HPSE2: variants seen among roughly 807,000 people sequenced by gnomAD.
The protein encoded by HPSE2 is inactive heparanase-2.
In HPSE2, 38 loss-of-function variants were observed where a neutral mutation model predicts 60.5. The observed-to-expected ratio is 0.63, with a 90% CI of 0.48 to 0.82. HPSE2 has a LOEUF of 0.82. HPSE2 is among the 40% of genes least tolerant of loss of function. HPSE2 has a pLI of 0.00. For synonymous variants in HPSE2, 295 were observed against 293.2 expected, an observed-to-expected ratio of 1.01 and a Z score of -0.06; for missense variants, 713 against 740.4, an observed-to-expected ratio of 0.96 and a Z score of 0.43.
At chr10:98,970,110 C>T (rs561283150) in intron 3 of HPSE2, among the ~76,000 whole-genome samples, 6 of 152,106 alleles carry the variant, frequency 3.9e-5, no homozygotes, top group East Asian at 3.9e-4. Context: ...TACAGGTGCC[C>T]GCCACCACAC....
intron 3 of HPSE2, among the ~76,000 whole-genome samples, chr10:98,907,957 A>C (rs1034968857): frequency 6.6e-6 from 1 of 152,202 alleles, no homozygotes; most frequent in Non-Finnish European, 1.5e-5. Context: ...AAATCAGTCT[A>C]TTTTGTGAAT....
At chr10:99,021,225 T>G (rs2135425879) in intron 3 of HPSE2, among the ~76,000 whole-genome samples, 1 of 152,330 alleles carries the variant, frequency 6.6e-6, no homozygotes, top group Non-Finnish European at 1.5e-5. Context: ...AATCTGCACT[T>G]ATAAACATTA....
At chr10:99,099,023 T>C (rs1457019707) in intron 3 of HPSE2, among the ~76,000 whole-genome samples, 1 of 152,162 alleles carries the variant, frequency 6.6e-6, no homozygotes, top group African/African-American at 2.4e-5. Context: ...CGTTCCAAGA[T>C]GGCCAAATAG....
At position 98,721,682 on chromosome 10, in the gene HPSE2, T is replaced by C; in HGVS notation, c.931A>G (p.Lys311Glu). ...CCATCTAGGAGGGCGATGACATTCTTCCTCGGCCGCCCAATATTAGGGCCA... is the reference window on the plus strand; with the variant it reads ...CCATCTAGGAGGGCGATGACATTCTCCCTCGGCCGCCCAATATTAGGGCCA... The part of the protein sequence containing the change: ...LYGPNIGRPR[K>E]NVIALLDGFM... The change falls in exon 5 of 12, where the codon AAG becomes GAG. Residue 311 changes from lysine to glutamate, a missense_variant. Physicochemically the swap from Lys to Glu is moderately conservative, Grantham distance 56. Coordinates refer to ENST00000370552, the MANE Select transcript of HPSE2 (RefSeq NM_021828.5). 1 of 1,613,762 alleles carries C rather than the reference T, an allele frequency of 6.2e-7. No individual in the cohort carries two copies. The highest frequency in any genetic ancestry group is 1.7e-4 in the Middle Eastern group (1 of 5,994).
At chr10:99,281,443 T>C in the HPSE2 span, among the ~76,000 whole-genome samples, 1 of 151,950 alleles carries the variant, frequency 6.6e-6, no homozygotes, top group Admixed American at 6.6e-5. Context: ...AATAAAAGTG[T>C]CATTTGTAAA....
chr10:98,532,308 G>C (rs1310341293), intron 9 of HPSE2, among the ~76,000 whole-genome samples: 1 of 152,138 alleles, frequency 6.6e-6, no homozygotes, highest in Non-Finnish European at 1.5e-5. Flanking sequence ...CAACACAAAG[G>C]GCCAGCACAG....
intron 3 of HPSE2, among the ~76,000 whole-genome samples, chr10:98,859,010 C>A (rs1329249279): frequency 6.6e-6 from 1 of 152,150 alleles, no homozygotes; most frequent in African/African-American, 2.4e-5. Flanking sequence ...CTCACTGCAG[C>A]CTCCAACTCC....
At chr10:98,600,895 A>ATATATATGTTGTGTGTGTG (rs1945391814) in intron 9 of HPSE2, among the ~76,000 whole-genome samples, 1 of 69,408 alleles carries the variant, frequency 1.4e-5, no homozygotes, top group African/African-American at 4.1e-5. Context: ...ATATATACGT[A>ATATATATGTTGTGTGTGTG]TATATATGTG....
intron 3 of HPSE2, among the ~76,000 whole-genome samples, chr10:98,753,752 C>A (rs1949813965): frequency 6.6e-6 from 1 of 152,144 alleles, no homozygotes; most frequent in South Asian, 2.1e-4. Context: ...CTTAGCTGAG[C>A]CTCGGCCCCT....
chr10:98,926,520 T>G (rs1256120405), intron 3 of HPSE2, among the ~76,000 whole-genome samples: 1 of 152,194 alleles, frequency 6.6e-6, no homozygotes, highest in African/African-American at 2.4e-5. Flanking sequence ...ATTAGCTTTT[T>G]GGGTAGTAGA....
intron 6 of HPSE2, among the ~76,000 whole-genome samples, chr10:98,645,907 G>A (rs112039018): frequency 0.013 from 1,940 of 152,194 alleles, 23 homozygotes; most frequent in Non-Finnish European, 0.019. Flanking sequence ...CCCGGGAGGC[G>A]GAGCTTGCAG....
intron 3 of HPSE2, among the ~76,000 whole-genome samples, chr10:98,770,121 G>A (rs775104673): frequency 3.3e-5 from 5 of 152,074 alleles, no homozygotes; most frequent in Non-Finnish European, 5.9e-5. Context: ...AAAGTTCTCC[G>A]CTTTTAATTT....
chr10:98,531,834 C>T (rs1366342798), intron 9 of HPSE2, among the ~76,000 whole-genome samples: 1 of 152,086 alleles, frequency 6.6e-6, no homozygotes, highest in African/African-American at 2.4e-5. Context: ...CTGTGTGACC[C>T]TTAGCAAGTT....
chr10:99,004,183 T>G (rs1290891397), intron 3 of HPSE2, among the ~76,000 whole-genome samples: 3 of 152,124 alleles, frequency 2.0e-5, no homozygotes, highest in Non-Finnish European at 4.4e-5. Context: ...GGCCCAGCTT[T>G]TTTTTAATCC....
chr10:99,208,696 A>AC (rs1554920035), intron 2 of HPSE2, among the ~76,000 whole-genome samples: 1 of 150,206 alleles, frequency 6.7e-6, no homozygotes, highest in African/African-American at 2.5e-5. Context: ...AAAAATAAAA[A>AC]TAAAAAAAAA....
At chr10:99,015,758 T>C (rs1234896012) in intron 3 of HPSE2, among the ~76,000 whole-genome samples, 1 of 152,178 alleles carries the variant, frequency 6.6e-6, no homozygotes, top group Non-Finnish European at 1.5e-5. Context: ...ACATGGCACA[T>C]GTATACATAT....
the HPSE2 span, among the ~76,000 whole-genome samples, chr10:99,280,013 G>A: frequency 2.5e-4 from 38 of 152,268 alleles, no homozygotes; most frequent in African/African-American, 7.5e-4. Context: ...ATAGAGTGGG[G>A]CTATGCACAG....
intron 3 of HPSE2, among the ~76,000 whole-genome samples, chr10:98,811,456 GAAAT>G (rs1375778005): frequency 6.6e-6 from 1 of 152,012 alleles, no homozygotes; most frequent in African/African-American, 2.4e-5. Flanking sequence ...AATTAATGAA[GAAAT>G]AAATGAATGA....
In HPSE2 at chr10:98,937,813, A is replaced by G. The variant is rs566465762; in HGVS notation, c.611-193757T>C. On this transcript the variant is annotated intron_variant, in intron 3 of 11. Coordinates refer to ENST00000370552, the MANE Select transcript of HPSE2 (RefSeq NM_021828.5). ...AGTGGGTCCCTGACCCCTGACCCCC[A>G]AGCAGCCTAACTGGGAGGCACCCCC... 7.1e-3 allele frequency among the ~76,000 whole-genome samples: 1,007 copies of G among 142,404 alleles called. 198 individuals carry two copies. Among genetic ancestry groups the G allele is most frequent in the African/African-American group, 0.027 (938 of 34,672 alleles). 93.4% of individuals were successfully genotyped at this position (142,404 alleles called of 152,430 possible).
Sources: gnomAD v4.1 joint callset for allele counts (sites outside exome capture counted in the v4.1 genomes callset) on GRCh38, gnomAD v4.1.1 for gene constraint, MANE v1.5 for transcripts, NCBI Gene and HGNC (gene_info 2026-07-23, HGNC 2026-07-21) for gene names.